CHST1: variants seen among roughly 807,000 people sequenced by gnomAD.
The protein encoded by CHST1 is carbohydrate sulfotransferase 1.
A neutral mutation model predicts 22.5 loss-of-function variants in CHST1; 10 were observed. That is an observed-to-expected ratio of 0.44 (90% CI 0.27 to 0.75). The LOEUF (loss-of-function observed/expected upper bound fraction) is 0.75. Ranked by LOEUF, CHST1 falls within the 30% of genes least tolerant of loss-of-function variation. The pLI is 0.15. For synonymous variants in CHST1, 267 were observed against 264.5 expected, an observed-to-expected ratio of 1.01 and a Z score of -0.09; for missense variants, 439 against 576.1, an observed-to-expected ratio of 0.76 and a Z score of 2.44.
intron 1 of CHST1, among the ~76,000 whole-genome samples, chr11:45,657,217 A>G (rs897634840): frequency 2.6e-5 from 4 of 152,216 alleles, no homozygotes; most frequent in Non-Finnish European, 5.9e-5. Context: ...CGTAGCCAGC[A>G]CTAATCCCCC....
At chr11:45,659,949 T>G (rs540627320) in intron 1 of CHST1, among the ~76,000 whole-genome samples, 142 of 152,302 alleles carry the variant, frequency 9.3e-4, no homozygotes, top group Non-Finnish European at 1.6e-3. Context: ...TGGGCCAGGA[T>G]GCCAGTGAGG....
At chr11:45,662,201 T>G (rs1481942476) in intron 1 of CHST1, among the ~76,000 whole-genome samples, 1 of 152,128 alleles carries the variant, frequency 6.6e-6, no homozygotes, top group Non-Finnish European at 1.5e-5. Context: ...CCCAACCCCT[T>G]TACTCTGTCA....
At chr11:45,661,275 G>A (rs1024095776) in intron 1 of CHST1, among the ~76,000 whole-genome samples, 2 of 152,238 alleles carry the variant, frequency 1.3e-5, no homozygotes, top group Non-Finnish European at 1.5e-5. Context: ...CTGGAGGGCC[G>A]CAAGTCTGGG....
chr11:45,654,128 T>C (rs1204525628), intron 1 of CHST1, among the ~76,000 whole-genome samples: 2 of 152,238 alleles, frequency 1.3e-5, no homozygotes, highest in African/African-American at 2.4e-5. Context: ...AAAGCAGAAC[T>C]CACCCTAGGG....
At chr11:45,661,393 G>C (rs576555118) in intron 1 of CHST1, among the ~76,000 whole-genome samples, 27 of 152,340 alleles carry the variant, frequency 1.8e-4, no homozygotes, top group African/African-American at 6.5e-4. Flanking sequence ...AATTTGCAGA[G>C]GATATTAAAT....
In CHST1 at chr11:45,650,342, G is replaced by A. The variant is rs764256918; in HGVS notation, c.582C>T (p.Ala194=). The stretch of plus-strand genomic sequence containing the variant: ...CGTGGCTGCGCTCGCGGCACGCCTC[G>A]GCCGCCACGGTCAGGTTGAGTAGCC... ...KCGLLNLTVA[A]EACRERSHVA... Residue 194 remains alanine (A), a synonymous_variant, in exon 4 of 4, where the codon GCC becomes GCT. Transcript: ENST00000308064. 6.2e-7 allele frequency: 1 copy of A among 1,603,258 alleles called. No homozygotes were observed. The highest frequency in any genetic ancestry group is 1.3e-5 in the African/African-American group (1 of 75,044).
Position 45,650,174 on chromosome 11 carries a change from C to T in CHST1, c.750G>A (p.Thr250=), listed in dbSNP as rs776340776. ...LASRSETFRD[T]YRLWRLWYGT... ...CGTACCAGAGCCGCCAGAGCCGGTA[C>T]GTGTCGCGGAAGGTCTCGCTGCGCG... Residue 250 remains threonine (T), a synonymous_variant, in exon 4 of 4, where the codon ACG becomes ACA. Coordinates refer to ENST00000308064, the MANE Select transcript of CHST1 (RefSeq NM_003654.6). The T allele has an allele frequency of 1.9e-6, 3 of 1,613,084 alleles. No individual in the cohort carries two copies. The African/African-American group carries it at 4.0e-5, about 22-fold the overall frequency.
In CHST1 at chr11:45,650,663, G is replaced by A. The variant is rs1564996606; in HGVS notation, c.261C>T (p.Phe87=). ...GQLFNQHLDV[F]YLFEPLYHVQ... ...CGTGGTAGAGGGGCTCAAACAGGTAGAAGACGTCCAGGTGCTGGTTGAAGA... is the reference window on the plus strand; with the variant it reads ...CGTGGTAGAGGGGCTCAAACAGGTAAAAGACGTCCAGGTGCTGGTTGAAGA... The change falls in exon 4 of 4, where the codon TTC becomes TTT. Residue 87 remains phenylalanine, a synonymous_variant. Transcript: ENST00000308064. 1 of 1,614,172 alleles carries A rather than the reference G, an allele frequency of 6.2e-7. No individual in the cohort carries two copies. Among genetic ancestry groups the A allele is most frequent in the Non-Finnish European group, 8.5e-7 (1 of 1,180,010 alleles).
chr11:45,649,374 G>C lies in CHST1; in HGVS notation c.*314C>G, dbSNP rs1851958246. On this transcript the variant is annotated 3_prime_UTR_variant, in exon 4 of 4. Transcript: ENST00000308064. ...AGTCGCCTCGCGAGTGCCCGTGTGC[G>C]TGTGTGGATGTGTAAATGTGGTGCT... 8.0e-6 allele frequency: 3 copies of C among 373,170 alleles called. No individual in the cohort carries two copies. The South Asian group carries it at 2.5e-4, about 31-fold the overall frequency. 23.1% of individuals were successfully genotyped at this position (373,170 alleles called of 1,614,324 possible).
chr11:45,656,278 T>G (rs45512697), intron 1 of CHST1, among the ~76,000 whole-genome samples: 31 of 152,216 alleles, frequency 2.0e-4, no homozygotes, highest in Non-Finnish European at 3.8e-4. Context: ...CCTAGAAGCT[T>G]AACCCCTTCA....
chr11:45,662,478 G>C (rs558035855), intron 1 of CHST1, among the ~76,000 whole-genome samples: 1 of 152,176 alleles, frequency 6.6e-6, no homozygotes. Flanking sequence ...GGGGTGTGCC[G>C]GGGCCGCTGG....
At chr11:45,653,315 T>C (rs1366674169) in intron 1 of CHST1, among the ~76,000 whole-genome samples, 2 of 152,114 alleles carry the variant, frequency 1.3e-5, no homozygotes, top group African/African-American at 2.4e-5. Flanking sequence ...GAAATTTCAC[T>C]TCTTTAGGAA....
In CHST1 at chr11:45,665,114, C is replaced by T. The variant is rs1351395705; in HGVS notation, c.-227+64G>A. 1 of 151,952 alleles carries T rather than the reference C, an allele frequency of 6.6e-6. No individual in the cohort carries two copies. The highest frequency in any genetic ancestry group is 1.5e-5 in the Non-Finnish European group (1 of 67,956). 9.4% of individuals were successfully genotyped at this position (151,952 alleles called of 1,614,324 possible). On this transcript the variant is annotated intron_variant, in intron 1 of 3. Coordinates refer to ENST00000308064, the MANE Select transcript of CHST1 (RefSeq NM_003654.6). The surrounding 1 kb of genome is among the most constrained non-coding windows in gnomAD (Gnocchi z 4.0). ...CGTCTCCCACCGCGCCCGCGCCCCTCCCGGCTGCTGCGGCGGAGTGTCCGC... is the reference window on the plus strand; with the variant it reads ...CGTCTCCCACCGCGCCCGCGCCCCTTCCGGCTGCTGCGGCGGAGTGTCCGC...
At position 45,655,344 on chromosome 11, in the gene CHST1, C is replaced by T. The variant is rs1239446634; in HGVS notation, c.-226-2738G>A. 5.3e-5 allele frequency among the ~76,000 whole-genome samples: 8 copies of T among 152,344 alleles called. No homozygotes were observed. In the East Asian group the frequency reaches 5.8e-4, roughly 11 times the overall value. The stretch of plus-strand genomic sequence containing the variant: ...TCATCCTGCAGCCCACGGGGTCTGG[C>T]TCTGCCCACCGCCCCTTCTTCCTGC... On this transcript the variant is annotated intron_variant, in intron 1 of 3. Coordinates refer to ENST00000308064, the MANE Select transcript of CHST1 (RefSeq NM_003654.6).
In CHST1 at chr11:45,650,610, G is replaced by T. The variant is rs748264399; in HGVS notation, c.314C>A (p.Thr105Asn). 4 of 1,614,092 alleles carry T rather than the reference G, an allele frequency of 2.5e-6. No individual in the cohort carries two copies. Among genetic ancestry groups the T allele is most frequent in the Non-Finnish European group, 3.4e-6 (4 of 1,179,988 alleles). ...CCGGTCGGCCGGGCTCTTGCCCTGGGTGAAGCGGGGGATGAGCGTGTTCTG... is the reference window on the plus strand; with the variant it reads ...CCGGTCGGCCGGGCTCTTGCCCTGGTTGAAGCGGGGGATGAGCGTGTTCTG... ...HVQNTLIPRF[T>N]QGKSPADRRV... The change falls in exon 4 of 4, where the codon ACC (threonine) becomes AAC (asparagine). Residue 105 changes from threonine (T) to asparagine (N), a missense_variant. By Grantham distance (65) the Thr-to-Asn change is moderately conservative (BLOSUM62 0). Transcript: ENST00000308064.
At chr11:45,662,275 G>A (rs1017209641) in intron 1 of CHST1, among the ~76,000 whole-genome samples, 11 of 152,114 alleles carry the variant, frequency 7.2e-5, no homozygotes, top group African/African-American at 2.2e-4. Flanking sequence ...ACCCCTAGGG[G>A]CTCCAGGGCT....
Position 45,649,394 on chromosome 11 carries a change from G to C in CHST1, c.*294C>G. ...TGTGCGTGTGTGGATGTGTAAATGT[G>C]GTGCTTGTAAACATTGTCACCGTCC... On this transcript the variant is annotated 3_prime_UTR_variant, in exon 4 of 4. Coordinates refer to ENST00000308064, the MANE Select transcript of CHST1 (RefSeq NM_003654.6). The C allele has an allele frequency of 2.3e-6, 1 of 427,394 alleles. No homozygotes were observed. The highest frequency in any genetic ancestry group is 5.9e-5 in the South Asian group (1 of 17,026). The allele number at this position is 427,394 out of a possible 1,614,324, so 26.5% of individuals were successfully genotyped here. A position where few individuals can be genotyped will look rare whatever the true frequency, so the allele number is the denominator to read the frequency against.
In CHST1 at chr11:45,648,584, G is replaced by A. The variant is rs992922427; in HGVS notation, c.*1104C>T. On this transcript the variant is annotated 3_prime_UTR_variant, in exon 4 of 4. Transcript: ENST00000308064. Reference sequence around the variant, plus strand: ...TGTGCACCTGTAGTCCCAGTCACTCGGGAGGCTGAGGCGGGAGAACTGCTT... The same window carrying A: ...TGTGCACCTGTAGTCCCAGTCACTCAGGAGGCTGAGGCGGGAGAACTGCTT... 6.6e-6 allele frequency among the ~76,000 whole-genome samples: 1 copy of A among 151,966 alleles called. No homozygotes were observed. The highest frequency in any genetic ancestry group is 1.5e-5 in the Non-Finnish European group (1 of 67,996).
At chr11:45,663,277 C>G (rs1350408266) in intron 1 of CHST1, among the ~76,000 whole-genome samples, 2 of 152,150 alleles carry the variant, frequency 1.3e-5, no homozygotes, top group Non-Finnish European at 2.9e-5. Context: ...GGTACTCCTC[C>G]TCCGATGCGG....
Sources: gnomAD v4.1 joint callset for allele counts (sites outside exome capture counted in the v4.1 genomes callset) on GRCh38, gnomAD v4.1.1 for gene constraint, Gnocchi (gnomAD v3.1) non-coding constraint, MANE v1.5 for transcripts, NCBI Gene and HGNC (gene_info 2026-07-23, HGNC 2026-07-21) for gene names.